Variants in NFE2L1 observed in about 807,000 individuals in gnomAD.
NFE2L1 encodes NFE2 like bZIP transcription factor 1.
In NFE2L1, 18 loss-of-function variants were observed where a neutral mutation model predicts 61.6. The observed-to-expected ratio is 0.29, with a 90% CI of 0.20 to 0.43. NFE2L1 has a LOEUF of 0.43. Among genes scored for constraint, NFE2L1 ranks in the 20% least tolerant of loss-of-function variants. The pLI is 1.00. For missense variants in NFE2L1, 827 were observed against 973.5 expected, an observed-to-expected ratio of 0.85 and a Z score of 2.00; for synonymous variants, 419 against 402.7, an observed-to-expected ratio of 1.04 and a Z score of -0.48.
In NFE2L1 at chr17:48,059,024, C is replaced by T. The variant is rs1319190000; in HGVS notation, c.1702C>T (p.Leu568=). 6.2e-7 allele frequency: 1 copy of T among 1,614,094 alleles called. No individual in the cohort carries two copies. Among genetic ancestry groups the T allele is most frequent in the Non-Finnish European group, 8.5e-7 (1 of 1,180,034 alleles). The part of the protein sequence containing the change: ...DPAQLSCLPY[L]EHVGHNHTYN... ...AGCTCAGCTCTCATGCCTGCCCTAC[C>T]TGGAGCACGTGGGCCACAACCACAC... The change falls in exon 6 of 6, where the codon CTG becomes TTG. Residue 568 remains leucine (L), a synonymous_variant. Transcript: ENST00000362042. This position sits in a 1 kb window ranked among gnomAD's most constrained non-coding sequence, Gnocchi z 6.1.
Position 48,059,172 on chromosome 17 carries a change from G to T in NFE2L1, c.1850G>T (p.Arg617Leu), listed in dbSNP as rs747460108. 21 of 1,613,966 alleles carry T rather than the reference G, an allele frequency of 1.3e-5. No homozygotes were observed. Among genetic ancestry groups the T allele is most frequent in the Non-Finnish European group, 1.7e-5 (20 of 1,180,010 alleles). The change falls in exon 6 of 6, where the codon CGA becomes CTA. Residue 617 changes from arginine to leucine, a missense_variant. Coordinates refer to ENST00000362042, the MANE Select transcript of NFE2L1 (RefSeq NM_003204.3). This position sits in a 1 kb window ranked among gnomAD's most constrained non-coding sequence, Gnocchi z 6.1. ...AAGCAGATGAGCCGGGATGAGCACCGAGCCCGAGCCATGAAGATCCCTTTC... is the reference window on the plus strand; with the variant it reads ...AAGCAGATGAGCCGGGATGAGCACCTAGCCCGAGCCATGAAGATCCCTTTC... ...LDKQMSRDEH[R>L]ARAMKIPFTN...
Position 48,050,737 on chromosome 17 carries a change from T to G in NFE2L1, c.-382T>G. ...AGGAAAAAAAAAATCCATCAGCTGT[T>G]CCTGAGAACAGCCTGCATTGGAATC... On this transcript the variant is annotated 5_prime_UTR_variant, in exon 2 of 6. Coordinates refer to ENST00000362042, the MANE Select transcript of NFE2L1 (RefSeq NM_003204.3). The G allele has an allele frequency of 2.2e-6, 1 of 453,588 alleles. No individual in the cohort carries two copies. 28.1% of individuals were successfully genotyped at this position (453,588 alleles called of 1,614,324 possible).
intron 1 of NFE2L1, among the ~76,000 whole-genome samples, chr17:48,049,721 G>A (rs146709798): frequency 6.6e-6 from 1 of 152,294 alleles, no homozygotes; most frequent in African/African-American, 2.4e-5. Context: ...GGATAGGAAA[G>A]GGAAATCAGA....
In NFE2L1 at chr17:48,059,526, C is replaced by G. The variant is rs1030033268; in HGVS notation, c.2204C>G (p.Pro735Arg). The change falls in exon 6 of 6, where the codon CCC (proline) becomes CGC (arginine). Residue 735 changes from proline (P) to arginine (R), a missense_variant. This residue lies in a region of NFE2L1 where 86 missense variants were observed against 97.3 expected (regional missense o/e 0.88). Transcript: ENST00000362042. The surrounding 1 kb of genome is among the most constrained non-coding windows in gnomAD (Gnocchi z 6.1). Reference protein sequence around the residue: ...LRDENGRPYSPSQYALQYAGD... With the variant: ...LRDENGRPYSRSQYALQYAGD... ...GATGAGAACGGACGACCCTACTCGC[C>G]CAGTCAGTATGCGCTCCAGTACGCC... The G allele has an allele frequency of 1.4e-5, 23 of 1,613,796 alleles. No individual in the cohort carries two copies. The highest frequency in any genetic ancestry group is 1.9e-5 in the Non-Finnish European group (22 of 1,179,886).
chr17:48,057,598 T>C, intron 5 of NFE2L1, 96 bp downstream of exon 5: 2 of 1,432,962 alleles, frequency 1.4e-6, no homozygotes, highest in Admixed American at 2.1e-5. Flanking sequence ...GAAAGTGTAA[T>C]ACTTTCCCTG....
chr17:48,054,884 C>T (rs1354415847), intron 2 of NFE2L1: 12 of 1,364,326 alleles, frequency 8.8e-6, no homozygotes, highest in Non-Finnish European at 9.4e-6. Context: ...ACGGGCGGGG[C>T]ACCCTCCTCA....
chr17:48,049,598 G>T (rs1045797326), intron 1 of NFE2L1, among the ~76,000 whole-genome samples: 8 of 152,184 alleles, frequency 5.3e-5, no homozygotes, highest in African/African-American at 1.9e-4. Context: ...TCTCCATGTT[G>T]TTCAGGCTGG....
At chr17:48,048,887 G>A (rs1388338633) in intron 1 of NFE2L1, 1 of 152,682 alleles carries the variant, frequency 6.5e-6, no homozygotes, top group African/African-American at 2.4e-5. Context: ...GGTGGGACCA[G>A]CCTCAGGCTA....
intron 2 of NFE2L1, 60 bp downstream of exon 2, chr17:48,051,688 G>T: frequency 6.4e-7 from 1 of 1,552,760 alleles, no homozygotes; most frequent in African/African-American, 1.4e-5. Context: ...TGGTCCCAAA[G>T]GATTGTGGTC....
At chr17:48,058,008 C>T (rs1238428312) in intron 5 of NFE2L1, among the ~76,000 whole-genome samples, 2 of 152,154 alleles carry the variant, frequency 1.3e-5, no homozygotes, top group Non-Finnish European at 2.9e-5. Flanking sequence ...GCTGATTTTG[C>T]AGTAACAAGG....
rs911636806 is a variant in NFE2L1, at chr17:48,059,678, C to T, written c.*37C>T. On this transcript the variant is annotated 3_prime_UTR_variant, in exon 6 of 6. Coordinates refer to ENST00000362042, the MANE Select transcript of NFE2L1 (RefSeq NM_003204.3). This position sits in a 1 kb window ranked among gnomAD's most constrained non-coding sequence, Gnocchi z 6.1. ...AAGGGGGTTTGAAGCCCACCAAGAC[C>T]GAAACTGGAGAAGGGCTGGACCTGG... 2.0e-5 allele frequency: 31 copies of T among 1,519,862 alleles called. No homozygotes were observed. Among genetic ancestry groups the T allele is most frequent in the Middle Eastern group, 3.9e-4 (2 of 5,106 alleles). The allele number at this position is 1,519,862 out of a possible 1,614,324, so 94.1% of individuals were successfully genotyped here. A position where few individuals can be genotyped will look rare whatever the true frequency, so the allele number is the denominator to read the frequency against.
In NFE2L1 at chr17:48,057,348, C is replaced by T. The variant is rs775799393; in HGVS notation, c.818C>T (p.Pro273Leu). The T allele has an allele frequency of 2.5e-6, 4 of 1,613,120 alleles. No homozygotes were observed. The highest frequency in any genetic ancestry group is 1.7e-5 in the Admixed American group (1 of 59,702). Residue 273 changes from proline to leucine, a missense_variant, in exon 5 of 6, where the codon CCA becomes CTA. Coordinates refer to ENST00000362042, the MANE Select transcript of NFE2L1 (RefSeq NM_003204.3). ...TCPFGENAEF[P>L]ADISSITEAV... is the part of the protein sequence containing the mutation. Reference sequence around the variant, plus strand: ...AGCCTCTGTGTTTTGCCCTAGTTTCCAGCAGACATTTCCAGCATAACAGAA... The same window carrying T: ...AGCCTCTGTGTTTTGCCCTAGTTTCTAGCAGACATTTCCAGCATAACAGAA...
Position 48,055,217 on chromosome 17 carries a change from G to A in NFE2L1, c.511-1169G>A, listed in dbSNP as rs984350941. Reference sequence around the variant, plus strand: ...TCTTAGGGTCAGGGGGGGTTAATGGGAGAAGAATACCGACTTAGAGGTAGG... The same window carrying A: ...TCTTAGGGTCAGGGGGGGTTAATGGAAGAAGAATACCGACTTAGAGGTAGG... On this transcript the variant is annotated intron_variant, in intron 2 of 5. Transcript: ENST00000362042. 25 of 1,281,968 alleles carry A rather than the reference G, an allele frequency of 2.0e-5. No homozygotes were observed. The African/African-American group carries it at 3.7e-4, about 19-fold the overall frequency. The allele number at this position is 1,281,968 out of a possible 1,614,324, so 79.4% of individuals were successfully genotyped here. A position where few individuals can be genotyped will look rare whatever the true frequency, so the allele number is the denominator to read the frequency against.
At chr17:48,055,284 A>G (rs2144373622) in intron 2 of NFE2L1, 4 of 1,073,900 alleles carry the variant, frequency 3.7e-6, no homozygotes, top group South Asian at 3.8e-5. Flanking sequence ...TGGAAAGTGT[A>G]TGTCTGCATT....
rs942860067 is a variant in NFE2L1, at chr17:48,059,721, C to T, written c.*80C>T. ...GGACCTGGACCTGGACCTGGACCTA[C>T]AGCGGGGACTTAAATGCCTTCTTAT... On this transcript the variant is annotated 3_prime_UTR_variant, in exon 6 of 6. Transcript: ENST00000362042. The surrounding 1 kb of genome is among the most constrained non-coding windows in gnomAD (Gnocchi z 6.1). The T allele has an allele frequency of 2.7e-6, 4 of 1,488,134 alleles. No homozygotes were observed. The highest frequency in any genetic ancestry group is 1.4e-5 in the African/African-American group (1 of 70,864). The allele number at this position is 1,488,134 out of a possible 1,614,324, so 92.2% of individuals were successfully genotyped here.
intron 2 of NFE2L1, among the ~76,000 whole-genome samples, chr17:48,051,874 C>T (rs1026555133): frequency 6.6e-6 from 1 of 152,074 alleles, no homozygotes; most frequent in African/African-American, 2.4e-5. Context: ...GGTTCCTACA[C>T]ATGCCAGGGT....
At chr17:48,053,375 G>A (rs1567752315) in intron 2 of NFE2L1, among the ~76,000 whole-genome samples, 1 of 152,172 alleles carries the variant, frequency 6.6e-6, no homozygotes, top group Non-Finnish European at 1.5e-5. Context: ...GCTGGGTATG[G>A]GGGAAGGGAG....
At chr17:48,054,492 G>T in intron 2 of NFE2L1, 3 of 784,574 alleles carry the variant, frequency 3.8e-6, no homozygotes, top group Non-Finnish European at 5.1e-6. Flanking sequence ...ATTGGCTCTC[G>T]GCGCAGCCTA....
At chr17:48,054,902 C>T (rs2037355082) in intron 2 of NFE2L1, 1 of 1,384,006 alleles carries the variant, frequency 7.2e-7, no homozygotes, top group Admixed American at 3.2e-5. Flanking sequence ...TCAGGCCCCT[C>T]GGAGCTAGCA....
Sources: gnomAD v4.1 joint callset for allele counts (sites outside exome capture counted in the v4.1 genomes callset) on GRCh38, gnomAD v4.1.1 for gene constraint, gnomAD v4.1.1 regional missense constraint, Gnocchi (gnomAD v3.1) non-coding constraint, MANE v1.5 for transcripts, NCBI Gene and HGNC (gene_info 2026-07-23, HGNC 2026-07-21) for gene names.